Variants in GABRB2 observed in about 807,000 individuals in gnomAD.
GABRB2 encodes the protein gamma-aminobutyric acid receptor subunit beta-2.
GABRB2 carries 16 observed loss-of-function variants against 54.7 expected under a neutral mutation model. The observed-to-expected ratio is 0.29, with a 90% CI of 0.20 to 0.44. GABRB2 has a LOEUF of 0.44. Among genes scored for constraint, GABRB2 ranks in the 20% least tolerant of loss-of-function variants. GABRB2 has a pLI of 1.00. For missense variants in GABRB2, 355 were observed against 644.0 expected, an observed-to-expected ratio of 0.55 and a Z score of 4.86; for synonymous variants, 244 against 233.8, an observed-to-expected ratio of 1.04 and a Z score of -0.40.
intron 5 of GABRB2, among the ~76,000 whole-genome samples, chr5:161,358,206 T>C (rs1362929379): frequency 2.6e-5 from 4 of 151,732 alleles, no homozygotes; most frequent in Non-Finnish European, 5.9e-5. Context: ...AGAAGGAAAA[T>C]GTATTAAGGA....
chr5:161,500,207 C>A (rs1186567495), intron 3 of GABRB2, among the ~76,000 whole-genome samples: 3 of 152,184 alleles, frequency 2.0e-5, no homozygotes, highest in African/African-American at 7.2e-5. Flanking sequence ...CTACTACTTA[C>A]TGTGTGTCCT....
intron 4 of GABRB2, among the ~76,000 whole-genome samples, chr5:161,455,691 C>T (rs370186623): frequency 2.0e-4 from 31 of 151,964 alleles, no homozygotes; most frequent in African/African-American, 7.5e-4. Flanking sequence ...TGCCACCACA[C>T]CCAGCTAATT....
chr5:161,473,348 G>A (rs1425193815), intron 3 of GABRB2, among the ~76,000 whole-genome samples: 1 of 151,966 alleles, frequency 6.6e-6, no homozygotes, highest in African/African-American at 2.4e-5. Context: ...CTGAAGTTGG[G>A]CAGTAGGCCA....
intron 3 of GABRB2, among the ~76,000 whole-genome samples, chr5:161,516,891 A>G (rs976102776): frequency 6.6e-6 from 1 of 152,110 alleles, no homozygotes; most frequent in Admixed American, 6.6e-5. Flanking sequence ...ATTGGTACCC[A>G]TGTCTATTAG....
chr5:161,319,125 GTTTT>G lies in GABRB2; in HGVS notation c.1191+7239_1191+7242del, dbSNP rs777958862. ...TTTCCCTAATGTAATTTTATTAGCT[GTTTT>G]TTTTTTTTTTAAATAAACAATAGTG... On this transcript the variant is annotated intron_variant, in intron 9 of 9. Transcript: ENST00000393959. Among the ~76,000 whole-genome samples the G allele has an allele frequency of 6.4e-3, 894 of 139,610 alleles. 12 individuals are homozygous for G. Among genetic ancestry groups the G allele is most frequent in the African/African-American group, 0.021 (810 of 39,410 alleles). 91.6% of individuals were successfully genotyped at this position (139,610 alleles called of 152,430 possible).
intron 7 of GABRB2, among the ~76,000 whole-genome samples, chr5:161,334,478 A>T (rs1391935837): frequency 6.6e-6 from 1 of 152,216 alleles, no homozygotes; most frequent in East Asian, 1.9e-4. Context: ...ATACTATATG[A>T]AATATGTTTC....
chr5:161,451,987 T>C (rs1434310894), intron 4 of GABRB2, among the ~76,000 whole-genome samples: 1 of 152,162 alleles, frequency 6.6e-6, no homozygotes, highest in Non-Finnish European at 1.5e-5. Flanking sequence ...ACTGTGTTTG[T>C]TGAAGAGTTT....
Position 161,546,031 on chromosome 5 carries a change from T to C in GABRB2, c.169+291A>G, listed in dbSNP as rs13178950. Among the ~76,000 whole-genome samples the C allele has an allele frequency of 0.016, 2,411 of 152,342 alleles. 30 individuals are homozygous for C. Among genetic ancestry groups the C allele is most frequent in the Non-Finnish European group, 0.024 (1,620 of 68,032 alleles). The stretch of plus-strand genomic sequence containing the variant: ...ACACCATTAACTAAACTTAAGAGGT[T>C]TGTGTCTCAACAAAGCAAAGGCAGG... On this transcript the variant is annotated intron_variant, in intron 2 of 9. Coordinates refer to ENST00000393959, the MANE Select transcript of GABRB2 (RefSeq NM_001371727.1).
intron 8 of GABRB2, 59 bp from the exon 9 acceptor site, chr5:161,326,540 T>C (rs1758369385): frequency 1.3e-6 from 2 of 1,549,602 alleles, no homozygotes; most frequent in Admixed American, 1.9e-5. Context: ...AGATTAGGCC[T>C]GATGGTTAAA....
rs774838130 is a variant in GABRB2 at position 161,334,943 on chromosome 5, A to T, written c.680-39T>A. Reference sequence around the variant, plus strand: ...TTTAGAACATCATCATTATCAATCAATATTTATAGGATACTTTTCTTTAAA... The same window carrying T: ...TTTAGAACATCATCATTATCAATCATTATTTATAGGATACTTTTCTTTAAA... On this transcript the variant is annotated intron_variant, in intron 6 of 9. Transcript: ENST00000393959. The T allele has an allele frequency of 1.9e-6, 3 of 1,594,338 alleles. No homozygotes were observed. In the Admixed American group the frequency reaches 5.0e-5, roughly 27 times the overall value.
At chr5:161,501,754 GTTAAATAACCTAAAATATAAA>G (rs2113379613) in intron 3 of GABRB2, among the ~76,000 whole-genome samples, 1 of 151,470 alleles carries the variant, frequency 6.6e-6, no homozygotes, top group Admixed American at 6.6e-5. Flanking sequence ...AACCAGATAA[GTTAAATAACCTAAAATATAAA>G]TTAAATAACC....
intron 4 of GABRB2, among the ~76,000 whole-genome samples, chr5:161,426,500 T>C (rs11313669): frequency 0.022 from 3,300 of 148,806 alleles, 56 homozygotes; most frequent in Non-Finnish European, 0.034. Flanking sequence ...GGAAAAAAAA[T>C]GTACTTGACT....
At chr5:161,313,780 T>G (rs252956) in intron 9 of GABRB2, among the ~76,000 whole-genome samples, 75,742 of 151,922 alleles carry the variant, frequency 0.5, 20,960 homozygotes, top group African/African-American at 0.74. Flanking sequence ...AGGGAACTGG[T>G]GCTCTGAGCG....
At chr5:161,511,205 C>A (rs561401850) in intron 3 of GABRB2, among the ~76,000 whole-genome samples, 28 of 151,950 alleles carry the variant, frequency 1.8e-4, no homozygotes, top group African/African-American at 6.5e-4. Flanking sequence ...AGAGAAGGAG[C>A]GGTTAAAAAG....
chr5:161,391,146 C>G (rs1383085349), intron 5 of GABRB2, among the ~76,000 whole-genome samples: 1 of 152,126 alleles, frequency 6.6e-6, no homozygotes, highest in East Asian at 1.9e-4. Context: ...GTCACCCAAA[C>G]TTAGGCAGAA....
intron 5 of GABRB2, among the ~76,000 whole-genome samples, chr5:161,364,778 A>G (rs1450344887): frequency 6.6e-6 from 1 of 152,202 alleles, no homozygotes; most frequent in Non-Finnish European, 1.5e-5. Flanking sequence ...ATTACATGCC[A>G]TAAGCCAGGT....
chr5:161,547,205 G>C (rs1181791449), upstream of GABRB2: 1 of 143,156 alleles, frequency 7.0e-6, no homozygotes, highest in African/African-American at 2.6e-5. Flanking sequence ...GGGATGGGGG[G>C]GGCGGGGGTT....
chr5:161,460,422 A>G (rs1758088651), intron 3 of GABRB2, among the ~76,000 whole-genome samples: 1 of 152,248 alleles, frequency 6.6e-6, no homozygotes, highest in Admixed American at 6.5e-5. Flanking sequence ...CTATGAATAC[A>G]GAAGTGAAGA....
chr5:161,336,915 T>C, intron 5 of GABRB2, 146 bp from the exon 6 acceptor site: 1 of 857,336 alleles, frequency 1.2e-6, no homozygotes, highest in Non-Finnish European at 1.7e-6. Flanking sequence ...GTGTTTGGTA[T>C]CATACTAAAC....
Sources: gnomAD v4.1 joint callset for allele counts (sites outside exome capture counted in the v4.1 genomes callset) on GRCh38, gnomAD v4.1.1 for gene constraint, MANE v1.5 for transcripts, NCBI Gene and HGNC (gene_info 2026-07-23, HGNC 2026-07-21) for gene names.